Variants in CPEB3 observed in about 807,000 individuals in gnomAD.
CPEB3 encodes cytoplasmic polyadenylation element-binding protein 3.
A neutral mutation model predicts 67.2 loss-of-function variants in CPEB3; 20 were observed. The observed-to-expected ratio is 0.30, with a 90% confidence interval of 0.21 to 0.43. The LOEUF (loss-of-function observed/expected upper bound fraction) is 0.43, where lower values mean the gene tolerates loss of function less well. Ranked by LOEUF, CPEB3 falls within the 20% of genes least tolerant of loss-of-function variation. CPEB3 has a pLI of 1.00. For missense variants in CPEB3, 746 were observed against 968.6 expected, an observed-to-expected ratio of 0.77 and a Z score of 3.05; for synonymous variants, 376 against 393.1, an observed-to-expected ratio of 0.96 and a Z score of 0.51.
intron 1 of CPEB3, among the ~76,000 whole-genome samples, chr10:92,258,732 T>C (rs1852655030): frequency 7.6e-6 from 1 of 130,944 alleles, no homozygotes; most frequent in South Asian, 2.5e-4. Flanking sequence ...GATCAGATAT[T>C]TTTATATAAA....
intron 1 of CPEB3, among the ~76,000 whole-genome samples, chr10:92,253,808 T>TG (rs1469365040): frequency 1.3e-5 from 2 of 152,134 alleles, no homozygotes; most frequent in African/African-American, 2.4e-5. Flanking sequence ...AAAAATAGTA[T>TG]GATCTGGCCA....
chr10:92,253,463 C>CAAAAAAAAAAAAAAAAAAAAAAAA (rs370091703), intron 1 of CPEB3, among the ~76,000 whole-genome samples: 1 of 76,848 alleles, frequency 1.3e-5, no homozygotes, highest in Non-Finnish European at 2.6e-5. Context: ...TGTCTCAAAA[C>CAAAAAAAAAAAAAAAAAAAAAAAA]AAAAAAAAAA....
At position 92,283,706 on chromosome 10, in the gene CPEB3, TTTTTTC is replaced by T. The variant is rs1357335233; in HGVS notation, c.-12+7214_-12+7219del. Among the ~76,000 whole-genome samples the T allele has an allele frequency of 6.9e-4, 104 of 150,816 alleles. 1 individual carries two copies. In the East Asian group the frequency reaches 0.019, roughly 28 times the overall value. On this transcript the variant is annotated intron_variant, in intron 1 of 9. Transcript: ENST00000265997. ...GTTCCTACAGAATGGGGTCTATTTC[TTTTTTC>T]TTTTTCTTTCTTTTTTTTTTTTTTT...
chr10:92,155,783 A>G (rs1213379295), intron 4 of CPEB3, among the ~76,000 whole-genome samples: 1 of 152,208 alleles, frequency 6.6e-6, no homozygotes, highest in Non-Finnish European at 1.5e-5. Flanking sequence ...AGCACCTCAT[A>G]CAAAGAAGAT....
At chr10:92,289,944 C>T (rs1376594529) in intron 1 of CPEB3, among the ~76,000 whole-genome samples, 4 of 128,956 alleles carry the variant, frequency 3.1e-5, no homozygotes, top group Non-Finnish European at 6.4e-5. Flanking sequence ...GGGGTGGGTG[C>T]TGTTTCTCAA....
intron 2 of CPEB3, chr10:92,216,243 C>T: frequency 8.5e-7 from 1 of 1,182,082 alleles, no homozygotes; most frequent in South Asian, 1.5e-5. Flanking sequence ...CAAGATCATA[C>T]TGGCCAACAT....
At chr10:92,115,222 C>G (rs1289208740) in intron 6 of CPEB3, among the ~76,000 whole-genome samples, 1 of 152,218 alleles carries the variant, frequency 6.6e-6, no homozygotes, top group Non-Finnish European at 1.5e-5. Context: ...GAGGCGATCT[C>G]GGATCCCTGC....
At chr10:92,288,445 ACT>A (rs1842640058) in intron 1 of CPEB3, among the ~76,000 whole-genome samples, 1 of 131,678 alleles carries the variant, frequency 7.6e-6, no homozygotes, top group African/African-American at 2.8e-5. Context: ...ACAAAGCGAG[ACT>A]CTGTCTCAAA....
rs533827708 is a variant in CPEB3, at chr10:92,168,819, G to A, written c.1222+12144C>T. 4.4e-3 allele frequency among the ~76,000 whole-genome samples: 630 copies of A among 142,046 alleles called. 3 individuals are homozygous for A. Among genetic ancestry groups the A allele is most frequent in the Non-Finnish European group, 7.9e-3 (521 of 65,858 alleles). 93.2% of individuals were successfully genotyped at this position (142,046 alleles called of 152,430 possible). ...TTTTTTTTTTTTTTTTTTTGAGATGGAGTTTTGCTCTTGTTGCCCAGGCTG... is the reference window on the plus strand; with the variant it reads ...TTTTTTTTTTTTTTTTTTTGAGATGAAGTTTTGCTCTTGTTGCCCAGGCTG... On this transcript the variant is annotated intron_variant, in intron 4 of 9. Transcript: ENST00000265997.
intron 1 of CPEB3, among the ~76,000 whole-genome samples, chr10:92,267,082 G>A (rs145619277): frequency 9.2e-5 from 14 of 152,048 alleles, no homozygotes; most frequent in East Asian, 7.7e-4. Flanking sequence ...TAGATGAAAC[G>A]TGAATTAAAA....
chr10:92,192,912 T>G lies in CPEB3; in HGVS notation c.1006-276A>C, dbSNP rs113486219. ...GGATTACAGACGTGAGCTACCGCGC[T>G]GATCCTGCTCTTTTCATTAAGAATA... On this transcript the variant is annotated intron_variant, in intron 2 of 9. Transcript: ENST00000265997. Among the ~76,000 whole-genome samples the G allele has an allele frequency of 2.4e-3, 361 of 152,292 alleles. 2 individuals are homozygous for G. The highest frequency in any genetic ancestry group is 7.7e-3 in the African/African-American group (322 of 41,568).
chr10:92,081,540 C>T, intron 8 of CPEB3, 39 bp from the exon 9 acceptor site: 1 of 1,548,180 alleles, frequency 6.5e-7, no homozygotes, highest in Non-Finnish European at 8.8e-7. Flanking sequence ...GTATAAATAT[C>T]TGGGAGGTAC....
chr10:92,075,140 T>C (rs1346373117), intron 9 of CPEB3, among the ~76,000 whole-genome samples: 1 of 152,214 alleles, frequency 6.6e-6, no homozygotes, highest in African/African-American at 2.4e-5. Flanking sequence ...CAGCAAAACG[T>C]TGCTGATGTG....
intron 7 of CPEB3, among the ~76,000 whole-genome samples, chr10:92,100,516 T>A (rs1161729331): frequency 6.6e-6 from 1 of 152,162 alleles, no homozygotes; most frequent in African/African-American, 2.4e-5. Context: ...CCTCAGGTGA[T>A]CCGCCCACCT....
intron 9 of CPEB3, among the ~76,000 whole-genome samples, chr10:92,067,952 A>C (rs1445442414): frequency 1.3e-5 from 2 of 152,268 alleles, no homozygotes; most frequent in Non-Finnish European, 2.9e-5. Flanking sequence ...AGATTTTTAA[A>C]AATCAGAGGG....
chr10:92,057,934 A>C (rs991342790), intron 9 of CPEB3, among the ~76,000 whole-genome samples: 13 of 152,232 alleles, frequency 8.5e-5, no homozygotes, highest in African/African-American at 3.1e-4. Context: ...ACAACACCCA[A>C]GTCCTTTCAC....
At chr10:92,195,297 G>A (rs1849190067) in intron 2 of CPEB3, among the ~76,000 whole-genome samples, 1 of 152,084 alleles carries the variant, frequency 6.6e-6, no homozygotes, top group Non-Finnish European at 1.5e-5. Flanking sequence ...TCTCCCCTTG[G>A]ATAGGAAAGA....
intron 7 of CPEB3, among the ~76,000 whole-genome samples, chr10:92,105,509 C>T (rs1271699359): frequency 6.6e-6 from 1 of 152,144 alleles, no homozygotes; most frequent in Non-Finnish European, 1.5e-5. Context: ...TGGCCAACTC[C>T]ACATTCTCCT....
At chr10:92,263,197 C>G (rs1852887983) in intron 1 of CPEB3, among the ~76,000 whole-genome samples, 1 of 152,122 alleles carries the variant, frequency 6.6e-6, no homozygotes, top group Admixed American at 6.5e-5. Flanking sequence ...CGCCTCAGCC[C>G]CAGGAGTAGC....
Sources: gnomAD v4.1 joint callset for allele counts (sites outside exome capture counted in the v4.1 genomes callset) on GRCh38, gnomAD v4.1.1 for gene constraint, MANE v1.5 for transcripts, NCBI Gene and HGNC (gene_info 2026-07-23, HGNC 2026-07-21) for gene names.